The following VPS53 variants were observed in gnomAD, a reference collection of about 807,000 sequenced individuals.
VPS53 encodes vacuolar protein sorting-associated protein 53 homolog.
A neutral mutation model predicts 107.0 loss-of-function variants in VPS53; 70 were observed. That is an observed-to-expected ratio of 0.65 (90% CI 0.54 to 0.80). The LOEUF is 0.80. Among genes scored for constraint, VPS53 ranks in the 30% least tolerant of loss-of-function variants. The pLI, the probability that VPS53 is intolerant of heterozygous loss-of-function variation, is 0.00. For missense variants in VPS53, 917 were observed against 1,049.4 expected, an observed-to-expected ratio of 0.87 and a Z score of 1.74; for synonymous variants, 409 against 393.3, an observed-to-expected ratio of 1.04 and a Z score of -0.47.
rs1971370043 is a variant in VPS53 at position 659,742 on chromosome 17, T to C, written c.372+2067A>G. 2.6e-5 allele frequency among the ~76,000 whole-genome samples: 4 copies of C among 152,176 alleles called. No homozygotes were observed. In the South Asian group the frequency reaches 8.3e-4, roughly 32 times the overall value. On this transcript the variant is annotated intron_variant, in intron 5 of 21. Coordinates refer to ENST00000437048, the MANE Select transcript of VPS53 (RefSeq NM_001128159.3). ...CCCTCTGCTTCATCTCAAGACTCTATCCCTTCTCTCTATGTCCTAAATATT... is the reference window on the plus strand; with the variant it reads ...CCCTCTGCTTCATCTCAAGACTCTACCCCTTCTCTCTATGTCCTAAATATT...
Position 588,623 on chromosome 17 carries a change from T to C in VPS53, c.1219-2259A>G, listed in dbSNP as rs180678242. ...TCAGGAGTTCCATGTCTTTCATTTT[T>C]TGGCAAGGTTTCTAGAAACTTTGGT... On this transcript the variant is annotated intron_variant, in intron 12 of 21. Transcript: ENST00000437048. Among the ~76,000 whole-genome samples, 31 of 152,358 alleles carry C rather than the reference T, an allele frequency of 2.0e-4. No individual in the cohort carries two copies. The East Asian group carries it at 5.8e-3, about 28-fold the overall frequency.
At chr17:706,328 A>G (rs1973397118) in intron 2 of VPS53, among the ~76,000 whole-genome samples, 1 of 151,976 alleles carries the variant, frequency 6.6e-6, no homozygotes, top group Non-Finnish European at 1.5e-5. Context: ...CACAAGGTCA[A>G]GAGATTGAAA....
intron 19 of VPS53, among the ~76,000 whole-genome samples, chr17:528,724 G>A (rs1255664926): frequency 6.6e-6 from 1 of 150,926 alleles, no homozygotes; most frequent in African/African-American, 2.4e-5. Context: ...TCAGCTTCCC[G>A]AGTAGCTGGA....
intron 13 of VPS53, among the ~76,000 whole-genome samples, chr17:563,329 C>T (rs1397179297): frequency 7.4e-4 from 93 of 126,218 alleles, no homozygotes; most frequent in Middle Eastern, 6.8e-3. Flanking sequence ...GAGTCTTGCT[C>T]TGTTGGCCCA....
chr17:631,093 G>A (rs1261016939), intron 8 of VPS53, among the ~76,000 whole-genome samples: 1 of 152,020 alleles, frequency 6.6e-6, no homozygotes, highest in Non-Finnish European at 1.5e-5. Context: ...GAATTCCGAA[G>A]AGCAGGCTTA....
chr17:544,802 A>G (rs9907540), intron 17 of VPS53, among the ~76,000 whole-genome samples: 94,443 of 152,054 alleles, frequency 0.62, 31,999 homozygotes, highest in African/African-American at 0.88. Flanking sequence ...TATGGAGGCC[A>G]GGCACAGTGG....
chr17:559,822 G>A (rs1198764560), intron 15 of VPS53, among the ~76,000 whole-genome samples: 3 of 152,190 alleles, frequency 2.0e-5, no homozygotes, highest in Admixed American at 6.5e-5. Context: ...CCATGTTTAA[G>A]GCTGAATCAA....
At position 515,229 on chromosome 17, in the gene VPS53, A is replaced by G. The variant is rs1908213955; in HGVS notation, c.*3899T>C. The G allele has an allele frequency of 6.6e-6, 1 of 151,782 alleles. No homozygotes were observed. The highest frequency in any genetic ancestry group is 6.6e-5 in the Admixed American group (1 of 15,226). 9.4% of individuals were successfully genotyped at this position (151,782 alleles called of 1,614,324 possible). On this transcript the variant is annotated 3_prime_UTR_variant, in exon 22 of 22. Transcript: ENST00000437048. Reference sequence around the variant, plus strand: ...TTAGCTGCTGCTTTCATCCACAGGTACTCCTTTTACCTTATTATTTTTTAG... The same window carrying G: ...TTAGCTGCTGCTTTCATCCACAGGTGCTCCTTTTACCTTATTATTTTTTAG...
chr17:629,786 C>T (rs1393543083), intron 8 of VPS53, among the ~76,000 whole-genome samples: 1 of 134,124 alleles, frequency 7.5e-6, no homozygotes, highest in African/African-American at 2.8e-5. Flanking sequence ...GAAAAGAAAA[C>T]TAAAAACAAA....
At chr17:627,112 G>C in intron 10 of VPS53, 62 bp downstream of exon 10, 3 of 1,567,164 alleles carry the variant, frequency 1.9e-6, no homozygotes, top group Non-Finnish European at 2.6e-6. Context: ...AACCATTAGA[G>C]ACTGGGGAAC....
chr17:576,856 C>T lies in VPS53; in HGVS notation c.1313+9414G>A, dbSNP rs114378642. ...CTCCCTCAGAACCTCAGTGCATTCC[C>T]AGAGAACCTCCCTCAGAACCTAAAG... On this transcript the variant is annotated intron_variant, in intron 13 of 21. Coordinates refer to ENST00000437048, the MANE Select transcript of VPS53 (RefSeq NM_001128159.3). Among the ~76,000 whole-genome samples, 435 of 149,986 alleles carry T rather than the reference C, an allele frequency of 2.9e-3. 3 individuals carry two copies. Among genetic ancestry groups the T allele is most frequent in the African/African-American group, 0.01 (419 of 40,646 alleles).
chr17:659,729 T>C (rs1296814269), intron 5 of VPS53, among the ~76,000 whole-genome samples: 1 of 152,180 alleles, frequency 6.6e-6, no homozygotes, highest in Non-Finnish European at 1.5e-5. Context: ...CTCTGCTTCA[T>C]CTCAAGACTC....
chr17:533,608 C>T (rs16953387), intron 18 of VPS53, among the ~76,000 whole-genome samples: 3,638 of 152,300 alleles, frequency 0.024, 52 homozygotes, highest in East Asian at 0.067. Flanking sequence ...TGTTCAACGG[C>T]GTCTCTAGAA....
At chr17:626,341 G>C (rs1201794662) in intron 10 of VPS53, among the ~76,000 whole-genome samples, 4 of 152,156 alleles carry the variant, frequency 2.6e-5, no homozygotes. Flanking sequence ...AACGTAGAGA[G>C]GATGAACAAA....
intron 7 of VPS53, among the ~76,000 whole-genome samples, chr17:644,151 A>C (rs1237977837): frequency 6.6e-6 from 1 of 152,154 alleles, no homozygotes; most frequent in African/African-American, 2.4e-5. Context: ...CTAAAGAAAA[A>C]ACTCTTTCCT....
rs142634944 is a variant in VPS53, at chr17:643,364, C to G, written c.608+9927G>C. ...TGAGGACAACACTCATACTTGGAAA[C>G]CGAGGACAACACTCATACTTGGCAA... On this transcript the variant is annotated intron_variant, in intron 7 of 21. Coordinates refer to ENST00000437048, the MANE Select transcript of VPS53 (RefSeq NM_001128159.3). Among the ~76,000 whole-genome samples, 310 of 141,810 alleles carry G rather than the reference C, an allele frequency of 2.2e-3. 2 individuals carry two copies. Among genetic ancestry groups the G allele is most frequent in the African/African-American group, 7.4e-3 (288 of 38,734 alleles). 93.0% of individuals were successfully genotyped at this position (141,810 alleles called of 152,430 possible). A position where few individuals can be genotyped will look rare whatever the true frequency, so the allele number is the denominator to read the frequency against.
At chr17:619,258 G>A (rs1047328297) in intron 11 of VPS53, among the ~76,000 whole-genome samples, 3 of 144,568 alleles carry the variant, frequency 2.1e-5, no homozygotes, top group Non-Finnish European at 4.5e-5. Flanking sequence ...GGGTAGCTAG[G>A]ACTACACGTG....
intron 15 of VPS53, among the ~76,000 whole-genome samples, chr17:555,501 T>C (rs912291697): frequency 6.6e-6 from 1 of 152,092 alleles, no homozygotes. Flanking sequence ...CCGGCCCTAA[T>C]TTTTGTATTT....
At chr17:650,447 T>C (rs1418901804) in intron 7 of VPS53, among the ~76,000 whole-genome samples, 1 of 152,006 alleles carries the variant, frequency 6.6e-6, no homozygotes, top group East Asian at 1.9e-4. Context: ...CAGTGAGCTA[T>C]GACCACGCCA....
Sources: allele counts gnomAD v4.1 joint callset (sites outside exome capture counted in the v4.1 genomes callset), GRCh38; gene constraint gnomAD v4.1.1; transcripts MANE v1.5; gene names NCBI Gene and HGNC (gene_info 2026-07-23, HGNC 2026-07-21).